The following GALNT17 variants were observed in gnomAD, a reference collection of about 807,000 sequenced individuals.
The protein encoded by GALNT17 is UDP-GalNAc:polypeptide N-acetylgalactosaminyltransferase-like 3.
GALNT17 carries 29 observed loss-of-function variants against 63.7 expected under a neutral mutation model. That is an observed-to-expected ratio of 0.46 (90% CI 0.34 to 0.62). The LOEUF (loss-of-function observed/expected upper bound fraction) is 0.62, where lower values mean the gene tolerates loss of function less well. Ranked by LOEUF, GALNT17 falls within the 20% of genes least tolerant of loss-of-function variation. GALNT17 has a pLI of 0.01. For missense variants in GALNT17, 603 were observed against 799.6 expected (o/e 0.75, Z 2.97); for synonymous variants, 305 against 318.3 (o/e 0.96, Z 0.45).
chr7:71,696,808 AC>A (rs1791552914), intron 9 of GALNT17, among the ~76,000 whole-genome samples: 2 of 152,236 alleles, frequency 1.3e-5, no homozygotes, highest in Non-Finnish European at 2.9e-5. Flanking sequence ...AATCCCATTC[AC>A]TTCCAAAGAC....
intron 1 of GALNT17, among the ~76,000 whole-genome samples, chr7:71,149,722 C>G (rs1311141414): frequency 2.0e-5 from 3 of 152,184 alleles, no homozygotes; most frequent in Non-Finnish European, 4.4e-5. Flanking sequence ...GAAATTAGCA[C>G]AACAAAACAG....
At chr7:71,315,561 G>T (rs374024657) in intron 1 of GALNT17, among the ~76,000 whole-genome samples, 6 of 152,154 alleles carry the variant, frequency 3.9e-5, no homozygotes, top group African/African-American at 1.4e-4. Flanking sequence ...CTCTTGGTGT[G>T]CCTTCCATTA....
At chr7:71,555,055 G>C (rs1219014373) in intron 5 of GALNT17, among the ~76,000 whole-genome samples, 1 of 152,088 alleles carries the variant, frequency 6.6e-6, no homozygotes, top group African/African-American at 2.4e-5. Context: ...GCATTACGTG[G>C]TGAGAGAGGG....
chr7:71,142,195 G>A (rs1311758130), intron 1 of GALNT17, among the ~76,000 whole-genome samples: 6 of 152,146 alleles, frequency 3.9e-5, no homozygotes, highest in Admixed American at 3.9e-4. Flanking sequence ...TTGAATGGAT[G>A]CATGGACAGC....
chr7:71,570,059 GGTT>G (rs1414219439), intron 5 of GALNT17, among the ~76,000 whole-genome samples: 1 of 150,354 alleles, frequency 6.7e-6, no homozygotes, highest in Non-Finnish European at 1.5e-5. Context: ...TTGTTTTTTT[GGTT>G]GTTTTTTTTT....
intron 1 of GALNT17, among the ~76,000 whole-genome samples, chr7:71,199,736 T>C (rs1789132253): frequency 6.7e-6 from 1 of 148,792 alleles, no homozygotes; most frequent in Non-Finnish European, 1.5e-5. Context: ...CACCCACCCA[T>C]GCACTTATCC....
intron 1 of GALNT17, among the ~76,000 whole-genome samples, chr7:71,228,660 C>G (rs1463073343): frequency 6.6e-6 from 1 of 152,162 alleles, no homozygotes; most frequent in African/African-American, 2.4e-5. Flanking sequence ...CCAGCATCTT[C>G]CAATCTTTCT....
intron 3 of GALNT17, among the ~76,000 whole-genome samples, chr7:71,394,292 C>G (rs1462683081): frequency 6.6e-6 from 1 of 152,062 alleles, no homozygotes; most frequent in Admixed American, 6.6e-5. Context: ...AGATGGAGAA[C>G]TCACTGAATT....
At chr7:71,653,237 A>G (rs921273402) in intron 6 of GALNT17, among the ~76,000 whole-genome samples, 2 of 151,724 alleles carry the variant, frequency 1.3e-5, no homozygotes, top group African/African-American at 2.4e-5. Context: ...GTTGGTCTCA[A>G]TCTCTTGACC....
At chr7:71,659,163 C>T (rs1790870249) in intron 6 of GALNT17, among the ~76,000 whole-genome samples, 1 of 152,220 alleles carries the variant, frequency 6.6e-6, no homozygotes, top group Non-Finnish European at 1.5e-5. Flanking sequence ...CAATATTTTC[C>T]ACTATTCTCC....
chr7:71,552,325 G>A (rs927656246), intron 5 of GALNT17, among the ~76,000 whole-genome samples: 5 of 152,022 alleles, frequency 3.3e-5, no homozygotes, highest in Admixed American at 6.6e-5. Context: ...GATTACAGGC[G>A]TGAGCTGCTG....
intron 3 of GALNT17, among the ~76,000 whole-genome samples, chr7:71,405,081 C>T (rs1339641411): frequency 6.6e-6 from 1 of 152,192 alleles, no homozygotes; most frequent in Non-Finnish European, 1.5e-5. Flanking sequence ...TAATGTTGTA[C>T]ACACTGATAA....
intron 1 of GALNT17, among the ~76,000 whole-genome samples, chr7:71,297,526 G>GCTGAAGGTGGAGGATT (rs1791104116): frequency 6.6e-6 from 1 of 151,516 alleles, no homozygotes; most frequent in South Asian, 2.1e-4. Flanking sequence ...CTACTTAGAA[G>GCTGAAGGTGGAGGATT]GCTGAAGGTG....
chr7:71,571,198 G>A (rs371876926), intron 5 of GALNT17, 87 bp from the exon 6 acceptor site: 10 of 1,163,312 alleles, frequency 8.6e-6, no homozygotes, highest in South Asian at 5.0e-5. Flanking sequence ...ATGCTAGACC[G>A]GAACCAGTAC....
chr7:71,447,746 G>A (rs1370003358), intron 5 of GALNT17, among the ~76,000 whole-genome samples: 1 of 151,984 alleles, frequency 6.6e-6, no homozygotes, highest in Non-Finnish European at 1.5e-5. Flanking sequence ...TTTAACCATT[G>A]CCTTTCTGTT....
At chr7:71,158,732 A>G (rs1205742779) in intron 1 of GALNT17, among the ~76,000 whole-genome samples, 1 of 151,518 alleles carries the variant, frequency 6.6e-6, no homozygotes, top group Non-Finnish European at 1.5e-5. Flanking sequence ...GCCTGCCACC[A>G]CACCTGGCTA....
At chr7:71,549,001 C>T (rs976712748) in intron 5 of GALNT17, among the ~76,000 whole-genome samples, 2 of 152,104 alleles carry the variant, frequency 1.3e-5, no homozygotes, top group African/African-American at 4.8e-5. Context: ...TGCTTCTGAG[C>T]CTCTGGGGGT....
intron 6 of GALNT17, among the ~76,000 whole-genome samples, chr7:71,659,601 T>C (rs1790876498): frequency 6.6e-6 from 1 of 152,262 alleles, no homozygotes; most frequent in African/African-American, 2.4e-5. Context: ...CTCTAAGGCC[T>C]AGTCCTGGGT....
At chr7:71,520,439 C>CT (rs1788512342) in intron 5 of GALNT17, among the ~76,000 whole-genome samples, 1 of 151,984 alleles carries the variant, frequency 6.6e-6, no homozygotes, top group South Asian at 2.1e-4. Context: ...AGGAGAATTG[C>CT]TTGAACCCAG....
Sources: gnomAD v4.1 joint callset for allele counts (sites outside exome capture counted in the v4.1 genomes callset) on GRCh38, gnomAD v4.1.1 for gene constraint, MANE v1.5 for transcripts, NCBI Gene and HGNC (gene_info 2026-07-23, HGNC 2026-07-21) for gene names.